Variants in XRRA1 observed in about 807,000 individuals in gnomAD.
The protein encoded by XRRA1 is X-ray radiation resistance-associated protein 1.
XRRA1 carries 69 observed loss-of-function variants against 80.2 expected under a neutral mutation model. The ratio of observed to expected loss-of-function variants is 0.86; its 90% CI spans 0.71 to 1.05. The LOEUF is 1.05. Ranked by LOEUF, XRRA1 falls within the 50% of genes least tolerant of loss-of-function variation. The pLI is 0.00. For synonymous variants in XRRA1, 348 were observed against 389.9 expected (o/e 0.89, Z 1.27); for missense variants, 967 against 976.4 (o/e 0.99, Z 0.13).
intron 5 of XRRA1, among the ~76,000 whole-genome samples, chr11:74,930,791 A>G (rs1943347781): frequency 6.6e-6 from 1 of 152,052 alleles, no homozygotes; most frequent in Non-Finnish European, 1.5e-5. Flanking sequence ...CCCATACTCA[A>G]TAGTTTTTGT....
At chr11:74,923,882 C>T (rs12363224) in intron 7 of XRRA1, among the ~76,000 whole-genome samples, 57,982 of 151,992 alleles carry the variant, frequency 0.38, 12,414 homozygotes, top group Middle Eastern at 0.5. Context: ...ATTCTGTTAC[C>T]CATTGGTATG....
chr11:74,935,363 A>C (rs1944693713), intron 4 of XRRA1, among the ~76,000 whole-genome samples: 1 of 152,232 alleles, frequency 6.6e-6, no homozygotes, highest in Admixed American at 6.5e-5. Flanking sequence ...GACGTCATTA[A>C]GCCTGTAAAT....
rs147044014 is a variant in XRRA1, at chr11:74,908,315, A to G, written c.657-1042T>C. On this transcript the variant is annotated intron_variant, in intron 8 of 18. Coordinates refer to ENST00000684022, the MANE Select transcript of XRRA1 (RefSeq NM_001378157.1). ...CATAGCTAGAAAGTGGGATGACTCA[A>G]ACTAGAACCTGGGTCTGCCTGACTC... Among the ~76,000 whole-genome samples, 290 of 152,292 alleles carry G rather than the reference A, an allele frequency of 1.9e-3. 1 individual carries two copies. The highest frequency in any genetic ancestry group is 4.6e-3 in the African/African-American group (192 of 41,564).
In XRRA1 at chr11:74,907,290, C is replaced by T; in HGVS notation, c.657-17G>A. 6.2e-7 allele frequency: 1 copy of T among 1,613,562 alleles called. No individual in the cohort carries two copies. The highest frequency in any genetic ancestry group is 8.5e-7 in the Non-Finnish European group (1 of 1,179,658). On this transcript the variant is annotated splice_polypyrimidine_tract_variant and intron_variant, in intron 8 of 18. Transcript: ENST00000684022. ...GATGCCTCCCTGTGAGTGCAAAGAT[C>T]TTGGGTAATGAGCAAGGTCGAGGGA...
chr11:74,859,688 C>A (rs1159211465), intron 11 of XRRA1, among the ~76,000 whole-genome samples: 1 of 151,950 alleles, frequency 6.6e-6, no homozygotes, highest in Non-Finnish European at 1.5e-5. Flanking sequence ...TGCTTGTGTT[C>A]TTAAGGGGAA....
chr11:74,886,052 G>T (rs2048945985), intron 10 of XRRA1, among the ~76,000 whole-genome samples: 1 of 152,100 alleles, frequency 6.6e-6, no homozygotes, highest in African/African-American at 2.4e-5. Context: ...AGGCATTTAA[G>T]GAATAAACCT....
intron 11 of XRRA1, among the ~76,000 whole-genome samples, chr11:74,859,733 T>G (rs1056417364): frequency 1.2e-4 from 18 of 152,046 alleles, no homozygotes; most frequent in African/African-American, 4.3e-4. Flanking sequence ...GGAGGTGTTT[T>G]GAGCCTTGAA....
At chr11:74,874,087 T>A (rs1233715047) in intron 10 of XRRA1, among the ~76,000 whole-genome samples, 3 of 151,402 alleles carry the variant, frequency 2.0e-5, no homozygotes, top group Non-Finnish European at 2.9e-5. Flanking sequence ...AATACAAAAA[T>A]TAGCTGGGCA....
chr11:74,843,537 C>G, intron 18 of XRRA1, 84 bp from the exon 19 acceptor site: 1 of 1,510,080 alleles, frequency 6.6e-7, no homozygotes, highest in Non-Finnish European at 8.9e-7. Context: ...TCCAGAGACC[C>G]TTGGAAAATG....
At chr11:74,893,821 G>A (rs932400387) in intron 10 of XRRA1, among the ~76,000 whole-genome samples, 2 of 152,228 alleles carry the variant, frequency 1.3e-5, no homozygotes, top group Non-Finnish European at 2.9e-5. Context: ...TTCAGCCATT[G>A]TGGAAAGCAG....
rs67590742 is a variant in XRRA1 at position 74,943,524 on chromosome 11, G to GGTGTGTGTGTGTGTGTGTGTGTGTGT, written c.-5+1468_-5+1493dup. Among the ~76,000 whole-genome samples the GGTGTGTGTGTGTGTGTGTGTGTGTGT allele has an allele frequency of 5.1e-3, 700 of 137,798 alleles. 14 individuals are homozygous for GGTGTGTGTGTGTGTGTGTGTGTGTGT. The highest frequency in any genetic ancestry group is 0.019 in the East Asian group (76 of 3,900). 90.4% of individuals were successfully genotyped at this position (137,798 alleles called of 152,430 possible). ...GGAGGCGAGGGGAAGAGAGTAGGAG[G>GGTGTGTGTGTGTGTGTGTGTGTGTGT]GTGTGTGTGTGTGTGTGTGTGTGTG... On this transcript the variant is annotated intron_variant, in intron 2 of 18. Coordinates refer to ENST00000684022, the MANE Select transcript of XRRA1 (RefSeq NM_001378157.1).
At chr11:74,899,383 T>C (rs1440109195) in intron 10 of XRRA1, among the ~76,000 whole-genome samples, 1 of 151,910 alleles carries the variant, frequency 6.6e-6, no homozygotes, top group Non-Finnish European at 1.5e-5. Context: ...AACCCAAAAG[T>C]AGTAGAAGAA....
intron 7 of XRRA1, among the ~76,000 whole-genome samples, chr11:74,925,677 C>CT (rs1241099044): frequency 2.0e-5 from 3 of 152,136 alleles, no homozygotes; most frequent in African/African-American, 7.2e-5. Flanking sequence ...TGCGATCACA[C>CT]TATAAAGTAA....
At chr11:74,884,822 A>AAGTT (rs951030022) in intron 10 of XRRA1, among the ~76,000 whole-genome samples, 1 of 152,178 alleles carries the variant, frequency 6.6e-6, no homozygotes, top group Non-Finnish European at 1.5e-5. Flanking sequence ...CCACATCAAA[A>AAGTT]AGTTAGAAAG....
chr11:74,906,873 G>A (rs766345898), intron 9 of XRRA1: 92 of 444,332 alleles, frequency 2.1e-4, no homozygotes, highest in Non-Finnish European at 3.4e-4. Flanking sequence ...GTCAGGGTCC[G>A]AATCCTATCT....
chr11:74,899,050 A>G (rs1026980775), intron 10 of XRRA1, among the ~76,000 whole-genome samples: 42 of 151,872 alleles, frequency 2.8e-4, no homozygotes, highest in African/African-American at 9.4e-4. Context: ...TCTTGAAATA[A>G]TATCAAACAT....
chr11:74,944,067 C>G (rs1946985310), intron 2 of XRRA1, among the ~76,000 whole-genome samples: 1 of 152,170 alleles, frequency 6.6e-6, no homozygotes, highest in Non-Finnish European at 1.5e-5. Flanking sequence ...AGCCATCCAC[C>G]CACCTTGGCC....
intron 3 of XRRA1, among the ~76,000 whole-genome samples, chr11:74,940,413 GA>G (rs1224013479): frequency 6.6e-6 from 1 of 152,186 alleles, no homozygotes; most frequent in Admixed American, 6.5e-5. Flanking sequence ...TGTGGAATGG[GA>G]AGAGTTTGGC....
chr11:74,860,274 G>C (rs540306350), intron 11 of XRRA1, among the ~76,000 whole-genome samples: 17 of 152,204 alleles, frequency 1.1e-4, no homozygotes, highest in African/African-American at 3.6e-4. Flanking sequence ...CAGATGACTC[G>C]CCTCTCCCAG....
Sources: gnomAD v4.1 joint callset for allele counts (sites outside exome capture counted in the v4.1 genomes callset) on GRCh38, gnomAD v4.1.1 for gene constraint, MANE v1.5 for transcripts, NCBI Gene and HGNC (gene_info 2026-07-23, HGNC 2026-07-21) for gene names.